Variants in INPP5A observed in about 807,000 individuals in gnomAD.
The protein encoded by INPP5A is 43 kDa inositol polyphosphate 5-phophatase.
In INPP5A, 14 loss-of-function variants were observed where a neutral mutation model predicts 65.2. The ratio of observed to expected loss-of-function variants is 0.21; its 90% CI spans 0.14 to 0.34. INPP5A has a LOEUF of 0.34. INPP5A is among the 10% of genes least tolerant of loss of function. INPP5A has a pLI of 1.00. For missense variants in INPP5A, 431 were observed against 545.6 expected, an observed-to-expected ratio of 0.79 and a Z score of 2.09; for synonymous variants, 207 against 208.3, an observed-to-expected ratio of 0.99 and a Z score of 0.05.
rs192119612 is a variant in INPP5A at position 132,738,663 on chromosome 10, G to A, written c.733-10854G>A. On this transcript the variant is annotated intron_variant, in intron 9 of 15. Coordinates refer to ENST00000368594, the MANE Select transcript of INPP5A (RefSeq NM_005539.5). ...AGTGGGCGCCACTCCCATTCCATGC[G>A]CGCTGTGTCCGAGCCTGCCAGGCTG... 2.6e-3 allele frequency among the ~76,000 whole-genome samples: 402 copies of A among 152,364 alleles called. 4 individuals carry two copies. The highest frequency in any genetic ancestry group is 8.3e-3 in the African/African-American group (344 of 41,584).
intron 4 of INPP5A, among the ~76,000 whole-genome samples, chr10:132,669,784 T>C (rs1404593288): frequency 6.6e-6 from 1 of 152,016 alleles, no homozygotes; most frequent in Non-Finnish European, 1.5e-5. Flanking sequence ...GATTTTGGCG[T>C]GAGCGTGGAC....
At chr10:132,591,435 T>C (rs1054078984) in intron 1 of INPP5A, among the ~76,000 whole-genome samples, 8 of 152,232 alleles carry the variant, frequency 5.3e-5, no homozygotes, top group Non-Finnish European at 4.4e-5. Flanking sequence ...GACAGCTCTA[T>C]GGCGCCGAGT....
At chr10:132,703,953 TCACACACACATGC>T (rs1370737361) in intron 6 of INPP5A, among the ~76,000 whole-genome samples, 20 of 84,826 alleles carry the variant, frequency 2.4e-4, no homozygotes, top group Admixed American at 1.4e-3. Context: ...ACACGCGGCT[TCACACACACATGC>T]CACACACACG....
rs764159353 is a variant in INPP5A, at chr10:132,765,758, C to G, written c.904-15C>G. 6.4e-7 allele frequency: 1 copy of G among 1,558,330 alleles called. No homozygotes were observed. The highest frequency in any genetic ancestry group is 1.7e-5 in the Admixed American group (1 of 59,928). ...AACCAATGTGACTTTATTTTCTGCTCTTTCTTTTCTTTAGCTCTTGGAGTT... is the reference window on the plus strand; with the variant it reads ...AACCAATGTGACTTTATTTTCTGCTGTTTCTTTTCTTTAGCTCTTGGAGTT... On this transcript the variant is annotated splice_polypyrimidine_tract_variant and intron_variant, in intron 11 of 15. Coordinates refer to ENST00000368594, the MANE Select transcript of INPP5A (RefSeq NM_005539.5).
At chr10:132,694,476 AGCT>A (rs372559653) in intron 5 of INPP5A, among the ~76,000 whole-genome samples, 110 of 152,296 alleles carry the variant, frequency 7.2e-4, no homozygotes, top group African/African-American at 2.6e-3. Flanking sequence ...CAATTATCTA[AGCT>A]TCTACCTTAG....
chr10:132,662,261 A>G (rs1318343181), intron 4 of INPP5A, among the ~76,000 whole-genome samples: 1 of 152,204 alleles, frequency 6.6e-6, no homozygotes, highest in Non-Finnish European at 1.5e-5. Flanking sequence ...CGTTGAAAAT[A>G]CACACACCGT....
At chr10:132,718,197 C>T (rs2134552717) in intron 8 of INPP5A, among the ~76,000 whole-genome samples, 1 of 145,154 alleles carries the variant, frequency 6.9e-6, no homozygotes, top group Admixed American at 6.9e-5. Context: ...CCTTAGACGG[C>T]TGTCTTCAGG....
At chr10:132,630,360 CGTCCTTGAGGGGAGGT>C (rs1209040196) in intron 2 of INPP5A, among the ~76,000 whole-genome samples, 6 of 151,282 alleles carry the variant, frequency 4.0e-5, no homozygotes, top group African/African-American at 1.2e-4. Context: ...GAGGGAAAGA[CGTCCTTGAGGGGAGGT>C]GTCCTTGAGG....
rs578225872 is a variant in INPP5A, at chr10:132,703,133, C to T, written c.475-5180C>T. On this transcript the variant is annotated intron_variant, in intron 6 of 15. Transcript: ENST00000368594. The stretch of plus-strand genomic sequence containing the variant: ...TGTCTCACAAGGCCAGCTTCCCCTG[C>T]GGTCACCCCTGTGACTTGGTGCAGG... Among the ~76,000 whole-genome samples the T allele has an allele frequency of 8.5e-5, 13 of 152,248 alleles. No individual in the cohort carries two copies. In the South Asian group the frequency reaches 1.5e-3, roughly 17 times the overall value.
At position 132,545,878 on chromosome 10, in the gene INPP5A, C is replaced by T. The variant is rs1452811007; in HGVS notation, c.75+7707C>T. On this transcript the variant is annotated intron_variant, in intron 1 of 15. Transcript: ENST00000368594. This position sits in a 1 kb window ranked among gnomAD's most constrained non-coding sequence, Gnocchi z 4.6. ...GCCGGCTTTCAGGAAGGCCGACTGC[C>T]TCAATCGTGGTTGCTGCCTCCGCTC... Among the ~76,000 whole-genome samples, 3 of 152,254 alleles carry T rather than the reference C, an allele frequency of 2.0e-5. No homozygotes were observed. The highest frequency in any genetic ancestry group is 2.9e-5 in the Non-Finnish European group (2 of 68,046).
At chr10:132,564,745 G>C (rs955614370) in intron 1 of INPP5A, among the ~76,000 whole-genome samples, 1 of 152,214 alleles carries the variant, frequency 6.6e-6, no homozygotes, top group Non-Finnish European at 1.5e-5. Flanking sequence ...TGGCCGCTGG[G>C]CCCAGCTCTT....
At chr10:132,679,569 G>A (rs941930129) in intron 4 of INPP5A, among the ~76,000 whole-genome samples, 1 of 152,136 alleles carries the variant, frequency 6.6e-6, no homozygotes, top group Non-Finnish European at 1.5e-5. Context: ...GAGATCCAGG[G>A]AAGGAGAATG....
intron 4 of INPP5A, among the ~76,000 whole-genome samples, chr10:132,682,320 G>A (rs1176383309): frequency 6.6e-6 from 1 of 152,190 alleles, no homozygotes; most frequent in African/African-American, 2.4e-5. Context: ...ATGGTGTGAC[G>A]GGTGCAGACG....
In INPP5A at chr10:132,698,818, A is replaced by T. The variant is rs1489672658; in HGVS notation, c.474+899A>T. Among the ~76,000 whole-genome samples the T allele has an allele frequency of 1.3e-5, 2 of 152,220 alleles. No homozygotes were observed. The highest frequency in any genetic ancestry group is 6.5e-5 in the Admixed American group (1 of 15,282). On this transcript the variant is annotated intron_variant, in intron 6 of 15. Coordinates refer to ENST00000368594, the MANE Select transcript of INPP5A (RefSeq NM_005539.5). This position sits in a 1 kb window ranked among gnomAD's most constrained non-coding sequence, Gnocchi z 5.5. ...AGGATTGCTCTGCGGTCCTGTCTCC[A>T]CGAGAGCTGTGCAGGCTGAGGCTGC...
At chr10:132,561,722 C>CCACACA (rs35335535) in intron 1 of INPP5A, among the ~76,000 whole-genome samples, 10,813 of 142,276 alleles carry the variant, frequency 0.076, 440 homozygotes, top group Admixed American at 0.15. Context: ...TTGTCAATTT[C>CCACACA]CACACACACA....
chr10:132,728,931 G>T (rs1175321209), intron 9 of INPP5A, among the ~76,000 whole-genome samples: 1 of 152,186 alleles, frequency 6.6e-6, no homozygotes, highest in African/African-American at 2.4e-5. Flanking sequence ...TGCCTGTGGG[G>T]CTTGTGTGGC....
chr10:132,569,452 G>T (rs1458518357), intron 1 of INPP5A, among the ~76,000 whole-genome samples: 2 of 152,064 alleles, frequency 1.3e-5, no homozygotes. Flanking sequence ...TCCCTCCCAG[G>T]CTCAAGGGAT....
At chr10:132,726,347 G>A (rs1845983834) in intron 8 of INPP5A, among the ~76,000 whole-genome samples, 1 of 152,238 alleles carries the variant, frequency 6.6e-6, no homozygotes, top group Admixed American at 6.5e-5. Context: ...TCACCTGCAC[G>A]CGCCTCCCCG....
chr10:132,591,960 G>A (rs1306289053), intron 1 of INPP5A, among the ~76,000 whole-genome samples: 2 of 152,246 alleles, frequency 1.3e-5, no homozygotes, highest in African/African-American at 2.4e-5. Context: ...GTGTCAGCGT[G>A]TGTGGGGTGG....
Sources: gnomAD v4.1 joint callset for allele counts (sites outside exome capture counted in the v4.1 genomes callset) on GRCh38, gnomAD v4.1.1 for gene constraint, Gnocchi (gnomAD v3.1) non-coding constraint, MANE v1.5 for transcripts, NCBI Gene and HGNC (gene_info 2026-07-23, HGNC 2026-07-21) for gene names.